The following THPO variants were observed in gnomAD, a reference collection of about 807,000 sequenced individuals.
The protein encoded by THPO is MPL ligand.
In THPO, 12 loss-of-function variants were observed where a neutral mutation model predicts 17.0. The ratio of observed to expected loss-of-function variants is 0.71; its 90% CI spans 0.45 to 1.14. The LOEUF (loss-of-function observed/expected upper bound fraction) is 1.14, where lower values mean the gene tolerates loss of function less well. Among genes scored for constraint, THPO ranks in the 50% most tolerant of loss-of-function variants. The pLI is 0.00. For missense variants in THPO, 365 were observed against 427.5 expected (o/e 0.85, Z 1.29); for synonymous variants, 188 against 183.0 (o/e 1.03, Z -0.22).
chr3:184,372,555 G>A lies in THPO; in HGVS notation c.1020C>T (p.Asn340=). ...PTPTPTSPLL[N]TSYTHSQNLS... is the part of the protein sequence containing the mutation. Reference sequence around the variant, plus strand: ...GATTCTGGGAGTGGGTGTAGGATGTGTTTAGAAGAGGGCTGGTAGGGGTGG... The same window carrying A: ...GATTCTGGGAGTGGGTGTAGGATGTATTTAGAAGAGGGCTGGTAGGGGTGG... Residue 340 remains asparagine, a synonymous_variant, in exon 6 of 6, where the codon AAC becomes AAT. Coordinates refer to ENST00000647395, the MANE Select transcript of THPO (RefSeq NM_000460.4). The A allele has an allele frequency of 6.2e-7, 1 of 1,614,080 alleles. No individual in the cohort carries two copies. Among genetic ancestry groups the A allele is most frequent in the Middle Eastern group, 1.7e-4 (1 of 6,060 alleles).
At chr3:184,378,948 C>T, upstream of THPO, 2 of 794,154 alleles carry the variant, frequency 2.5e-6, no homozygotes, top group Non-Finnish European at 3.1e-6. Flanking sequence ...CCGCAAATAC[C>T]TCCCTGCTGG....
At position 184,373,032 on chromosome 3, in the gene THPO, A is replaced by C; in HGVS notation, c.543T>G (p.Ala181=). Residue 181 remains alanine, a synonymous_variant, in exon 6 of 6, where the codon GCT becomes GCG. Transcript: ENST00000647395. ...LCVRRAPPTT[A]VPSRTSLVLT... ...GGACTAGAGAGGTTCTGCTGGGGAC[A>C]GCTGTGGTGGGTGGGGCCCGCCTGA... is the stretch of plus-strand genomic sequence containing the variant. 1 of 1,614,110 alleles carries C rather than the reference A, an allele frequency of 6.2e-7. No individual in the cohort carries two copies. The highest frequency in any genetic ancestry group is 8.5e-7 in the Non-Finnish European group (1 of 1,180,026).
rs773866235 is a variant in THPO, at chr3:184,373,384, G to C, written c.396+31C>G. On this transcript the variant is annotated intron_variant, in intron 5 of 5. Coordinates refer to ENST00000647395, the MANE Select transcript of THPO (RefSeq NM_000460.4). ...AGGGGGACTGAGTCAGAAAAGAACAGTTTCTACAGATCCCTTGACTGGGGA... is the reference window on the plus strand; with the variant it reads ...AGGGGGACTGAGTCAGAAAAGAACACTTTCTACAGATCCCTTGACTGGGGA... 3.1e-6 allele frequency: 5 copies of C among 1,613,538 alleles called. No homozygotes were observed. In the East Asian group the frequency reaches 1.1e-4, roughly 36 times the overall value.
In THPO at chr3:184,373,048, G is replaced by C. The variant is rs750077381; in HGVS notation, c.527C>G (p.Ala176Gly). 10 of 1,614,032 alleles carry C rather than the reference G, an allele frequency of 6.2e-6. No homozygotes were observed. Among genetic ancestry groups the C allele is most frequent in the African/African-American group, 1.3e-5 (1 of 75,026 alleles). The change falls in exon 6 of 6, where the codon GCC becomes GGC. Residue 176 changes from alanine to glycine, a missense_variant. By Grantham distance (60) the Ala-to-Gly change is moderately conservative (BLOSUM62 0). Coordinates refer to ENST00000647395, the MANE Select transcript of THPO (RefSeq NM_000460.4). ...VGGSTLCVRR[A>G]PPTTAVPSRT... Reference sequence around the variant, plus strand: ...GCTGGGGACAGCTGTGGTGGGTGGGGCCCGCCTGACGCAGAGGGTGGACCC... The same window carrying C: ...GCTGGGGACAGCTGTGGTGGGTGGGCCCCGCCTGACGCAGAGGGTGGACCC...
At position 184,373,536 on chromosome 3, in the gene THPO, A is replaced by C; in HGVS notation, c.275T>G (p.Leu92Arg). ...TCCCCGTGCTGCCATCACTCCCTCC[A>C]GCAGAAGGGTCACTGCTCCCAGAAT... Reference protein sequence around the residue: ...QDILGAVTLLLEGVMAARGQL... With the variant: ...QDILGAVTLLREGVMAARGQL... Residue 92 changes from leucine to arginine, a missense_variant, in exon 5 of 6, where the codon CTG becomes CGG. Leu to Arg is a moderately radical substitution (Grantham distance 102). Transcript: ENST00000647395. 5 of 1,614,170 alleles carry C rather than the reference A, an allele frequency of 3.1e-6. No homozygotes were observed. The highest frequency in any genetic ancestry group is 1.3e-5 in the African/African-American group (1 of 75,048).
At chr3:184,374,209 T>C (rs1439386433) in intron 4 of THPO, among the ~76,000 whole-genome samples, 1 of 151,988 alleles carries the variant, frequency 6.6e-6, no homozygotes, top group Admixed American at 6.6e-5. Context: ...GCCTGGGGGA[T>C]AGAGTGAGAC....
At position 184,373,128 on chromosome 3, in the gene THPO, GA is replaced by G; in HGVS notation, c.446del (p.Phe149SerfsTer2). Reference sequence around the variant, plus strand: ...CTCGGAGCAGGTGTTGGAAGCTCAGGAAGATGGCATTGGGATCCTTGTGAGC... The same window carrying G: ...CTCGGAGCAGGTGTTGGAAGCTCAGGAGATGGCATTGGGATCCTTGTGAGC... ...TTAHKDPNAI[F>X]LSFQHLLRGK... On this transcript the variant is annotated frameshift_variant, in exon 6 of 6. Coordinates refer to ENST00000647395, the MANE Select transcript of THPO (RefSeq NM_000460.4). LOFTEE classifies it low-confidence loss of function (END_TRUNC). The G allele has an allele frequency of 6.2e-7, 1 of 1,613,532 alleles. No homozygotes were observed. The highest frequency in any genetic ancestry group is 8.5e-7 in the Non-Finnish European group (1 of 1,180,020).
chr3:184,372,493 G>T lies in THPO; in HGVS notation c.*20C>A. ...GAGCTGTACACGAGACAATGCTGAT[G>T]TCGGCAGTGTCTGAGAACCTTACCC... On this transcript the variant is annotated 3_prime_UTR_variant, in exon 6 of 6. Coordinates refer to ENST00000647395, the MANE Select transcript of THPO (RefSeq NM_000460.4). The T allele has an allele frequency of 6.2e-7, 1 of 1,613,892 alleles. No individual in the cohort carries two copies. The highest frequency in any genetic ancestry group is 1.3e-5 in the African/African-American group (1 of 75,028).
chr3:184,375,872 T>C lies in THPO; in HGVS notation c.141+16A>G. The C allele has an allele frequency of 1.9e-6, 3 of 1,612,606 alleles. No individual in the cohort carries two copies. The highest frequency in any genetic ancestry group is 2.5e-6 in the Non-Finnish European group (3 of 1,179,800). On this transcript the variant is annotated intron_variant, in intron 3 of 5. Coordinates refer to ENST00000647395, the MANE Select transcript of THPO (RefSeq NM_000460.4). ...CCAGTTACGCGGATAAAGGGGATAA[T>C]GTTGGGAGTTCTCACCAGTCTGCTG... is the stretch of plus-strand genomic sequence containing the variant.
chr3:184,376,223 C>T, intron 2 of THPO, 24 bp downstream of exon 2: 2 of 1,614,048 alleles, frequency 1.2e-6, no homozygotes, highest in South Asian at 2.2e-5. Flanking sequence ...CCATATGGCC[C>T]TAGCCCCTCA....
chr3:184,376,153 TC>T (rs1218852394), intron 2 of THPO, 93 bp downstream of exon 2: 11 of 1,612,442 alleles, frequency 6.8e-6, no homozygotes, highest in Non-Finnish European at 9.3e-6. Flanking sequence ...GAGAATGGGT[TC>T]CCCCAGCTTC....
Position 184,372,006 on chromosome 3 carries a change from G to A in THPO, c.*507C>T, listed in dbSNP as rs990086528. The A allele has an allele frequency of 6.0e-6, 1 of 167,506 alleles. No individual in the cohort carries two copies. The highest frequency in any genetic ancestry group is 1.3e-5 in the Non-Finnish European group (1 of 75,270). 10.4% of individuals were successfully genotyped at this position (167,506 alleles called of 1,614,324 possible). ...GGCTCAGTTTTGTCTAGTGTATAGG[G>A]ACAGCATTTCTGAGAGAAAGCTTAT... On this transcript the variant is annotated 3_prime_UTR_variant, in exon 6 of 6. Coordinates refer to ENST00000647395, the MANE Select transcript of THPO (RefSeq NM_000460.4).
At chr3:184,375,428 G>A (rs954809412) in intron 4 of THPO, 87 bp downstream of exon 4, 5 of 1,390,414 alleles carry the variant, frequency 3.6e-6, no homozygotes, top group Non-Finnish European at 4.1e-6. Flanking sequence ...TTTTTAAAAA[G>A]CTCAAGAATG....
intron 4 of THPO, among the ~76,000 whole-genome samples, chr3:184,374,061 C>A (rs370678546): frequency 9.1e-4 from 138 of 152,260 alleles, no homozygotes; most frequent in African/African-American, 3.1e-3. Flanking sequence ...AACCCCATCT[C>A]TACCAAAAAT....
Position 184,372,875 on chromosome 3 carries a change from TCAG to T in THPO, c.697_699del (p.Leu233del), listed in dbSNP as rs779373385. On this transcript the variant is annotated inframe_deletion, in exon 6 of 6. Coordinates refer to ENST00000647395, the MANE Select transcript of THPO (RefSeq NM_000460.4). ...TGGTCCAGGGACCTGGAGGTTTGGT[TCAG>T]CAGACCAGGAATCTTGGCTCTGAAT... 13 of 1,613,852 alleles carry T rather than the reference TCAG, an allele frequency of 8.1e-6. No individual in the cohort carries two copies. The highest frequency in any genetic ancestry group is 1.1e-5 in the Non-Finnish European group (13 of 1,179,978).
At chr3:184,373,635 G>T in intron 4 of THPO, 53 bp from the exon 5 acceptor site, 1 of 1,600,206 alleles carries the variant, frequency 6.2e-7, no homozygotes, top group Non-Finnish European at 8.5e-7. Flanking sequence ...CACACTAAAA[G>T]CGGGTGGGGA....
chr3:184,371,980 A>C lies in THPO; in HGVS notation c.*533T>G, dbSNP rs1167694003. On this transcript the variant is annotated 3_prime_UTR_variant, in exon 6 of 6. Transcript: ENST00000647395. ...CGGCGCTCCCATTTATTCCTTATACAGGCTCAGTTTTGTCTAGTGTATAGG... is the reference window on the plus strand; with the variant it reads ...CGGCGCTCCCATTTATTCCTTATACCGGCTCAGTTTTGTCTAGTGTATAGG... The C allele has an allele frequency of 6.5e-6, 1 of 154,394 alleles. No homozygotes were observed. The highest frequency in any genetic ancestry group is 1.4e-5 in the Non-Finnish European group (1 of 69,220). 9.6% of individuals were successfully genotyped at this position (154,394 alleles called of 1,614,324 possible).
rs765519222 is a variant in THPO, at chr3:184,375,940, A to C, written c.89T>G (p.Leu30Arg). 3 of 1,613,792 alleles carry C rather than the reference A, an allele frequency of 1.9e-6. No homozygotes were observed. Among genetic ancestry groups the C allele is most frequent in the Non-Finnish European group, 2.5e-6 (3 of 1,179,920 alleles). The change falls in exon 3 of 6, where the codon CTC (leucine) becomes CGC (arginine). Residue 30 changes from leucine to arginine, a missense_variant. Transcript: ENST00000647395. ...LSSPAPPACD[L>R]RVLSKLLRDS... ...ACGAAGCAGTTTACTGAGGACTCGGAGGTCACAAGCAGGAGGAGCCGGGCT... is the reference window on the plus strand; with the variant it reads ...ACGAAGCAGTTTACTGAGGACTCGGCGGTCACAAGCAGGAGGAGCCGGGCT...
chr3:184,373,660 C>T, intron 4 of THPO, 78 bp from the exon 5 acceptor site: 3 of 1,505,384 alleles, frequency 2.0e-6, no homozygotes, highest in Non-Finnish European at 1.8e-6. Flanking sequence ...TAGGAGTAGC[C>T]AGCAGAGTGA....
Sources: allele counts gnomAD v4.1 joint callset (sites outside exome capture counted in the v4.1 genomes callset), GRCh38; gene constraint gnomAD v4.1.1; transcripts MANE v1.5; gene names NCBI Gene and HGNC (gene_info 2026-07-23, HGNC 2026-07-21).